GALNT13: variants seen among roughly 807,000 people sequenced by gnomAD.
GALNT13 encodes UDP-GalNAc:polypeptide N-acetylgalactosaminyltransferase 13.
In GALNT13, 28 loss-of-function variants were observed where a neutral mutation model predicts 64.2. The ratio of observed to expected loss-of-function variants is 0.44; its 90% confidence interval spans 0.32 to 0.60. The LOEUF is 0.60. Ranked by LOEUF, GALNT13 falls within the 20% of genes least tolerant of loss-of-function variation. The pLI, the probability that GALNT13 is intolerant of heterozygous loss-of-function variation, is 0.05. For missense variants in GALNT13, 577 were observed against 669.8 expected (o/e 0.86, Z 1.53); for synonymous variants, 214 against 224.6 (o/e 0.95, Z 0.42).
At chr2:153,604,484 C>A in the GALNT13 span, among the ~76,000 whole-genome samples, 1 of 152,010 alleles carries the variant, frequency 6.6e-6, no homozygotes, top group East Asian at 1.9e-4. Context: ...AGTTATTTGG[C>A]TTTTGACCAT....
At chr2:153,948,114 T>A (rs11904124) in intron 3 of GALNT13, among the ~76,000 whole-genome samples, 14,211 of 152,152 alleles carry the variant, frequency 0.093, 1,711 homozygotes, top group East Asian at 0.63. Context: ...TCAAGTAGAA[T>A]GATGCCTCTA....
the GALNT13 span, among the ~76,000 whole-genome samples, chr2:153,262,720 A>G: frequency 6.6e-6 from 1 of 152,204 alleles, no homozygotes; most frequent in Non-Finnish European, 1.5e-5. Flanking sequence ...ATTTTAATAG[A>G]TGCAGAAAAG....
At chr2:153,169,636 C>T in the GALNT13 span, among the ~76,000 whole-genome samples, 5 of 152,150 alleles carry the variant, frequency 3.3e-5, no homozygotes, top group African/African-American at 1.2e-4. Context: ...GAAGGAACCA[C>T]CAGCCTGACT....
chr2:153,400,960 T>G, the GALNT13 span, among the ~76,000 whole-genome samples: 1 of 151,824 alleles, frequency 6.6e-6, no homozygotes, highest in Non-Finnish European at 1.5e-5. Flanking sequence ...TTTCTTGCCT[T>G]CTGCTAGCTT....
chr2:153,944,343 CA>C, intron 2 of GALNT13, 50 bp from the exon 3 acceptor site: 1 of 594,002 alleles, frequency 1.7e-6, no homozygotes, highest in Non-Finnish European at 2.9e-6. Flanking sequence ...GTTCTTTATC[CA>C]AAAATCTATG....
chr2:153,082,595 A>ATG, the GALNT13 span, among the ~76,000 whole-genome samples: 1 of 44,928 alleles, frequency 2.2e-5, no homozygotes, highest in Non-Finnish European at 4.2e-5. Flanking sequence ...ATATATATAT[A>ATG]TATATATATA....
chr2:153,530,685 A>G, the GALNT13 span, among the ~76,000 whole-genome samples: 1 of 152,064 alleles, frequency 6.6e-6, no homozygotes, highest in Non-Finnish European at 1.5e-5. Context: ...AAAAAAATCA[A>G]AAAGAGAGAC....
chr2:154,229,182 C>T (rs556597739), intron 4 of GALNT13, among the ~76,000 whole-genome samples: 1 of 152,196 alleles, frequency 6.6e-6, no homozygotes, highest in African/African-American at 2.4e-5. Flanking sequence ...ACACCGGACA[C>T]ATCTCTCTTC....
the GALNT13 span, among the ~76,000 whole-genome samples, chr2:153,345,714 T>TGTCTTTCC: frequency 1.5e-5 from 1 of 64,520 alleles, no homozygotes; most frequent in Admixed American, 1.6e-4. Flanking sequence ...TCTTTCTCTC[T>TGTCTTTCC]TTCTGTCCTT....
At chr2:154,061,028 T>C (rs1288282528) in intron 3 of GALNT13, among the ~76,000 whole-genome samples, 1 of 64,966 alleles carries the variant, frequency 1.5e-5, no homozygotes, top group Admixed American at 1.1e-4. Context: ...TTGTGCTAAG[T>C]AGTCTTCTTA....
the GALNT13 span, among the ~76,000 whole-genome samples, chr2:153,526,057 T>C: frequency 6.6e-6 from 1 of 152,192 alleles, no homozygotes; most frequent in African/African-American, 2.4e-5. Context: ...CAGGTATACA[T>C]CTAAAGTATT....
At chr2:154,120,947 T>C (rs1255657937) in intron 3 of GALNT13, among the ~76,000 whole-genome samples, 2 of 152,158 alleles carry the variant, frequency 1.3e-5, no homozygotes, top group African/African-American at 2.4e-5. Context: ...CTGTTTTCCC[T>C]AGTGTTCTCC....
chr2:154,115,675 C>T (rs1211221727), intron 3 of GALNT13, among the ~76,000 whole-genome samples: 1 of 152,136 alleles, frequency 6.6e-6, no homozygotes, highest in African/African-American at 2.4e-5. Flanking sequence ...CCCGTCTCAG[C>T]CTCCCAAAGT....
At chr2:153,668,834 A>G in the GALNT13 span, among the ~76,000 whole-genome samples, 1 of 152,196 alleles carries the variant, frequency 6.6e-6, no homozygotes, top group Non-Finnish European at 1.5e-5. Flanking sequence ...CAGGCTGTCC[A>G]GAGGCCTGAG....
At chr2:153,889,658 G>A (rs374849766) in intron 1 of GALNT13, among the ~76,000 whole-genome samples, 13 of 152,128 alleles carry the variant, frequency 8.5e-5, no homozygotes, top group African/African-American at 2.2e-4. Context: ...ATATAAAATT[G>A]TGGGCCAGTA....
chr2:154,188,631 A>G (rs1046146086), intron 4 of GALNT13, among the ~76,000 whole-genome samples: 3 of 152,194 alleles, frequency 2.0e-5, no homozygotes, highest in Non-Finnish European at 2.9e-5. Flanking sequence ...TATTTGATGA[A>G]CAGCAGACTA....
chr2:154,375,172 TAG>T, intron 9 of GALNT13, among the ~76,000 whole-genome samples: 1 of 152,076 alleles, frequency 6.6e-6, no homozygotes, highest in Admixed American at 6.5e-5. Flanking sequence ...TATTTTTTAG[TAG>T]AGACAGGGTT....
At chr2:153,183,851 A>G in the GALNT13 span, among the ~76,000 whole-genome samples, 1 of 152,172 alleles carries the variant, frequency 6.6e-6, no homozygotes, top group East Asian at 1.9e-4. Context: ...TACCAGTACC[A>G]TGCTGTTTTG....
At chr2:153,619,353 A>G in the GALNT13 span, among the ~76,000 whole-genome samples, 1 of 151,984 alleles carries the variant, frequency 6.6e-6, no homozygotes, top group African/African-American at 2.4e-5. Context: ...AAAACTATTT[A>G]TTGTTTCTAT....
Sources: gnomAD v4.1 joint callset for allele counts (sites outside exome capture counted in the v4.1 genomes callset) on GRCh38, gnomAD v4.1.1 for gene constraint, MANE v1.5 for transcripts, NCBI Gene and HGNC (gene_info 2026-07-23, HGNC 2026-07-21) for gene names.